MROH9: variants seen among roughly 807,000 people sequenced by gnomAD.
MROH9 encodes the protein maestro heat like repeat family member 9, also known as maestro heat-like repeat-containing protein family member 9.
MROH9 carries 92 observed loss-of-function variants against 98.2 expected under a neutral mutation model. The ratio of observed to expected loss-of-function variants is 0.94; its 90% CI spans 0.79 to 1.11. The LOEUF (loss-of-function observed/expected upper bound fraction) is 1.11. Among genes scored for constraint, MROH9 ranks in the 50% most tolerant of loss-of-function variants. MROH9 has a pLI of 0.00. For missense variants in MROH9, 1,057 were observed against 1,014.8 expected (o/e 1.04, Z -0.57); for synonymous variants, 397 against 368.9 (o/e 1.08, Z -0.87).
At chr1:171,045,852 T>C (rs1653456105) in intron 20 of MROH9, among the ~76,000 whole-genome samples, 1 of 152,162 alleles carries the variant, frequency 6.6e-6, no homozygotes, top group Non-Finnish European at 1.5e-5. Context: ...CTTTGTTGAT[T>C]TTCTGTCTAG....
intron 3 of MROH9, among the ~76,000 whole-genome samples, chr1:170,953,504 G>C (rs1461268805): frequency 6.6e-6 from 1 of 151,860 alleles, no homozygotes; most frequent in Non-Finnish European, 1.5e-5. Flanking sequence ...ATTTTGTGTA[G>C]GTGCAAGGTA....
intron 7 of MROH9, among the ~76,000 whole-genome samples, chr1:170,970,963 G>T (rs1650434991): frequency 6.6e-6 from 1 of 152,162 alleles, no homozygotes; most frequent in Non-Finnish European, 1.5e-5. Flanking sequence ...TGCAAGTCAT[G>T]CTGCTAGTTT....
At chr1:171,050,624 T>TTGAC (rs1319070249) in intron 20 of MROH9, among the ~76,000 whole-genome samples, 1 of 152,160 alleles carries the variant, frequency 6.6e-6, no homozygotes, top group African/African-American at 2.4e-5. Flanking sequence ...GAGGGATGAT[T>TTGAC]TGACATAATC....
chr1:171,025,463 G>A, intron 20 of MROH9, 43 bp downstream of exon 20: 1 of 1,258,610 alleles, frequency 7.9e-7, no homozygotes, highest in Non-Finnish European at 1.1e-6. Context: ...GTCTTAAATG[G>A]TATAGAATGG....
At chr1:171,034,973 C>T (rs1250676145) in intron 20 of MROH9, among the ~76,000 whole-genome samples, 1 of 152,044 alleles carries the variant, frequency 6.6e-6, no homozygotes, top group Non-Finnish European at 1.5e-5. Flanking sequence ...AAAGGTGCAA[C>T]GACAATTGGA....
intron 18 of MROH9, 34 bp from the exon 19 acceptor site, chr1:171,024,615 A>G (rs1652646551): frequency 1.2e-5 from 19 of 1,538,066 alleles, no homozygotes; most frequent in Non-Finnish European, 1.4e-5. Context: ...ACAACAGATG[A>G]ATAGATCTTC....
At chr1:170,937,612 C>G (rs1302198956) in intron 1 of MROH9, among the ~76,000 whole-genome samples, 1 of 148,692 alleles carries the variant, frequency 6.7e-6, no homozygotes, top group African/African-American at 2.5e-5. Flanking sequence ...AGCTCCGCCT[C>G]CCGGGTTCAC....
intron 15 of MROH9, among the ~76,000 whole-genome samples, chr1:171,008,245 T>C (rs1652027750): frequency 6.7e-6 from 1 of 149,790 alleles, no homozygotes; most frequent in Admixed American, 6.7e-5. Flanking sequence ...AACAACATAA[T>C]TTTTTATGTA....
chr1:170,936,081 T>C (rs1648870474), intron 1 of MROH9, among the ~76,000 whole-genome samples: 2 of 151,386 alleles, frequency 1.3e-5, no homozygotes, highest in East Asian at 3.9e-4. Flanking sequence ...ATTGGAAGAA[T>C]TTGTCTTTAT....
rs188760650 is a variant in MROH9, at chr1:171,024,626, A to G, written c.2062-23A>G. On this transcript the variant is annotated intron_variant, in intron 18 of 21. Coordinates refer to ENST00000367759, the MANE Select transcript of MROH9 (RefSeq NM_001163629.2). ...TCTAACAACAGATGAATAGATCTTC[A>G]CCGGCCTTTTTCTGTCTCACAGGCA... 576 of 1,540,862 alleles carry G rather than the reference A, an allele frequency of 3.7e-4. 1 individual carries two copies. The African/African-American group carries it at 5.0e-3, about 13-fold the overall frequency.
intron 5 of MROH9, among the ~76,000 whole-genome samples, chr1:170,959,918 A>T (rs1231753956): frequency 2.0e-5 from 3 of 152,334 alleles, no homozygotes; most frequent in Admixed American, 1.3e-4. Flanking sequence ...AAAGAATCCT[A>T]TAGTAAAATT....
rs1160984972 is a variant in MROH9 at position 170,985,593 on chromosome 1, A to G, written c.730-968A>G. Among the ~76,000 whole-genome samples the G allele has an allele frequency of 1.3e-5, 2 of 152,208 alleles. 1 individual carries two copies. ...GCTTCTTCTACAACTTTTTAGATAG[A>G]TACTAAATTTCTTGTTGAGTAAGCA... On this transcript the variant is annotated intron_variant, in intron 9 of 21. Coordinates refer to ENST00000367759, the MANE Select transcript of MROH9 (RefSeq NM_001163629.2).
chr1:171,016,896 T>C (rs758184045), intron 17 of MROH9, among the ~76,000 whole-genome samples: 41 of 152,196 alleles, frequency 2.7e-4, no homozygotes, highest in Non-Finnish European at 4.7e-4. Flanking sequence ...AAAAGTTTAA[T>C]GAAAACTTTG....
Position 170,947,545 on chromosome 1 carries a change from T to G in MROH9, c.44T>G (p.Leu15Arg), listed in dbSNP as rs745845147. The change falls in exon 3 of 22, where the codon CTG (leucine) becomes CGG (arginine). Residue 15 changes from leucine (L) to arginine (R), a missense_variant. Leu to Arg is a moderately radical substitution (Grantham distance 102). Coordinates refer to ENST00000367759, the MANE Select transcript of MROH9 (RefSeq NM_001163629.2). The part of the protein sequence containing the change: ...NPKTKSSLQI[L>R]QDSVKWHHMA... ...TGGCTAGAGAGTAGTCTCCAGATTC[T>G]GCAAGACAGTGTGAAATGGCACCAC... The G allele has an allele frequency of 6.2e-7, 1 of 1,611,114 alleles. No individual in the cohort carries two copies. Among genetic ancestry groups the G allele is most frequent in the South Asian group, 1.1e-5 (1 of 90,902 alleles).
At chr1:171,017,202 C>T (rs72710571) in intron 17 of MROH9, among the ~76,000 whole-genome samples, 13,740 of 152,234 alleles carry the variant, frequency 0.09, 728 homozygotes, top group Middle Eastern at 0.17. Context: ...CACAAAGATG[C>T]AAATCCCAAA....
Position 171,012,214 on chromosome 1 carries a change from G to GT in MROH9, c.1597-1896dup, listed in dbSNP as rs533652000. On this transcript the variant is annotated intron_variant, in intron 15 of 21. Coordinates refer to ENST00000367759, the MANE Select transcript of MROH9 (RefSeq NM_001163629.2). ...TTGCAAGTACTTTACAGACTTTCTT[G>GT]TTTTTTTATTTAAACTTTCTTTTTG... is the stretch of plus-strand genomic sequence containing the variant. 2.3e-3 allele frequency among the ~76,000 whole-genome samples: 344 copies of GT among 151,888 alleles called. 1 individual carries two copies. The highest frequency in any genetic ancestry group is 3.5e-3 in the Non-Finnish European group (236 of 67,892).
At chr1:171,061,119 CAT>C (rs1346630021) in intron 20 of MROH9, among the ~76,000 whole-genome samples, 1 of 152,122 alleles carries the variant, frequency 6.6e-6, no homozygotes, top group Non-Finnish European at 1.5e-5. Flanking sequence ...TAAATACACA[CAT>C]GATCTTATTA....
At chr1:170,937,744 C>T (rs61814152) in intron 1 of MROH9, among the ~76,000 whole-genome samples, 3,254 of 151,896 alleles carry the variant, frequency 0.021, 60 homozygotes, top group Admixed American at 0.045. Flanking sequence ...GGGATGGTCT[C>T]GATCTCCTGA....
chr1:171,056,040 CG>C (rs907485914), intron 20 of MROH9, among the ~76,000 whole-genome samples: 3 of 152,180 alleles, frequency 2.0e-5, no homozygotes, highest in Non-Finnish European at 4.4e-5. Flanking sequence ...CCCACACCAC[CG>C]GGGCCTAGGG....
Sources: gnomAD v4.1 joint callset for allele counts (sites outside exome capture counted in the v4.1 genomes callset) on GRCh38, gnomAD v4.1.1 for gene constraint, MANE v1.5 for transcripts, NCBI Gene and HGNC (gene_info 2026-07-23, HGNC 2026-07-21) for gene names.